Variants in HERC1 observed in about 807,000 individuals in gnomAD.
The protein encoded by HERC1 is HECT and RLD domain containing E3 ubiquitin protein ligase family member 1.
A neutral mutation model predicts 554.3 loss-of-function variants in HERC1; 160 were observed. That is an observed-to-expected ratio of 0.29 (90% CI 0.25 to 0.33). The LOEUF is 0.33. HERC1 is among the 10% of genes least tolerant of loss of function. The pLI is 1.00. For missense variants in HERC1, 4,919 were observed against 5,918.5 expected, an observed-to-expected ratio of 0.83 and a Z score of 5.54; for synonymous variants, 2,175 against 2,131.7, an observed-to-expected ratio of 1.02 and a Z score of -0.56.
intron 8 of HERC1, among the ~76,000 whole-genome samples, chr15:63,751,802 C>A (rs2075257524): frequency 6.6e-6 from 1 of 152,062 alleles, no homozygotes; most frequent in South Asian, 2.1e-4. Context: ...AAACAGTTTA[C>A]AAGTTCTCTT....
At position 63,821,338 on chromosome 15, in the gene HERC1, A is replaced by C. The variant is rs543868068; in HGVS notation, c.-27+12489T>G. 3.3e-5 allele frequency among the ~76,000 whole-genome samples: 5 copies of C among 152,024 alleles called. No homozygotes were observed. In the East Asian group the frequency reaches 9.7e-4, roughly 29 times the overall value. On this transcript the variant is annotated intron_variant, in intron 1 of 77. Transcript: ENST00000443617. ...AGGAGGCTGAGGCGGGCGGATCACG[A>C]GGTCAGGAGATGGAGACCATCCTGA... is the stretch of plus-strand genomic sequence containing the variant.
intron 66 of HERC1, 93 bp downstream of exon 66, chr15:63,634,640 T>C: frequency 2.0e-6 from 2 of 987,716 alleles, no homozygotes; most frequent in East Asian, 2.7e-5. Context: ...TAGGTACAAC[T>C]GGTGATCCTG....
chr15:63,807,170 T>C (rs1050343381), intron 1 of HERC1, among the ~76,000 whole-genome samples: 4 of 152,148 alleles, frequency 2.6e-5, no homozygotes, highest in African/African-American at 7.2e-5. Flanking sequence ...CTAGGCATTC[T>C]CTATTTGCCC....
chr15:63,619,408 T>C (rs1397838891), intron 74 of HERC1, among the ~76,000 whole-genome samples: 2 of 152,204 alleles, frequency 1.3e-5, no homozygotes, highest in Non-Finnish European at 2.9e-5. Context: ...CAGTATTTTA[T>C]TGAGGATTTT....
At chr15:63,832,930 T>C (rs1340504543) in intron 1 of HERC1, among the ~76,000 whole-genome samples, 2 of 152,254 alleles carry the variant, frequency 1.3e-5, no homozygotes, top group African/African-American at 4.8e-5. Context: ...AGATTTGTTA[T>C]TCCCATCATT....
At chr15:63,715,037 A>G (rs1236912990) in intron 22 of HERC1, among the ~76,000 whole-genome samples, 1 of 152,240 alleles carries the variant, frequency 6.6e-6, no homozygotes, top group Non-Finnish European at 1.5e-5. Flanking sequence ...CTCAGAGTCC[A>G]GAGCTAGAAA....
At chr15:63,806,342 C>A (rs1167518975) in intron 1 of HERC1, among the ~76,000 whole-genome samples, 1 of 152,118 alleles carries the variant, frequency 6.6e-6, no homozygotes, top group South Asian at 2.1e-4. Flanking sequence ...CTTCAAAGGC[C>A]TATCTCAAAG....
At chr15:63,747,302 A>T (rs532055950) in intron 11 of HERC1, among the ~76,000 whole-genome samples, 1 of 152,284 alleles carries the variant, frequency 6.6e-6, no homozygotes. Flanking sequence ...TCTACTAAAA[A>T]TACAAAAATT....
intron 1 of HERC1, among the ~76,000 whole-genome samples, chr15:63,817,137 G>A (rs1434689317): frequency 1.3e-5 from 2 of 150,054 alleles, no homozygotes; most frequent in South Asian, 2.1e-4. Context: ...GATGAAGAGA[G>A]TCTAAAGATT....
In HERC1 at chr15:63,696,327, C is replaced by A; in HGVS notation, c.4918G>T (p.Ala1640Ser). 6.2e-7 allele frequency: 1 copy of A among 1,610,884 alleles called. No individual in the cohort carries two copies. The highest frequency in any genetic ancestry group is 8.5e-7 in the Non-Finnish European group (1 of 1,178,394). Residue 1640 changes from alanine to serine, a missense_variant, in exon 27 of 78, where the codon GCA becomes TCA. Transcript: ENST00000443617. ...AATAGAACGAGGATCTGATGAAGTG[C>A]CTCTAAACGAAGCTTGAGGAAAAAA... Reference protein sequence around the residue: ...QQLRAELRLEALHQILVLLSG... With the variant: ...QQLRAELRLESLHQILVLLSG...
rs1269207173 is a variant in HERC1 at position 63,775,759 on chromosome 15, C to G, written c.-26-110G>C. 1.3e-6 allele frequency: 1 copy of G among 791,380 alleles called. No homozygotes were observed. Among genetic ancestry groups the G allele is most frequent in the South Asian group, 1.8e-5 (1 of 54,200 alleles). The allele number at this position is 791,380 out of a possible 1,614,324, so 49.0% of individuals were successfully genotyped here. Reference sequence around the variant, plus strand: ...TGATTTCAAACTGGTGAAATGCAGCCGGGTGCGGTGGCTCACGCCTGTAAT... The same window carrying G: ...TGATTTCAAACTGGTGAAATGCAGCGGGGTGCGGTGGCTCACGCCTGTAAT... On this transcript the variant is annotated intron_variant, in intron 1 of 77. Coordinates refer to ENST00000443617, the MANE Select transcript of HERC1 (RefSeq NM_003922.4). The surrounding 1 kb of genome is among the most constrained non-coding windows in gnomAD (Gnocchi z 4.0).
intron 1 of HERC1, among the ~76,000 whole-genome samples, chr15:63,795,785 G>A (rs1472583793): frequency 1.3e-5 from 2 of 152,236 alleles, no homozygotes; most frequent in African/African-American, 4.8e-5. Context: ...GCTGTGTCCA[G>A]TTTCCACTGG....
intron 10 of HERC1, among the ~76,000 whole-genome samples, chr15:63,748,227 A>G (rs2075125836): frequency 6.6e-6 from 1 of 152,298 alleles, no homozygotes; most frequent in East Asian, 1.9e-4. Flanking sequence ...CTCCATCTCA[A>G]AAAATATATA....
At chr15:63,803,506 T>C (rs1329834353) in intron 1 of HERC1, among the ~76,000 whole-genome samples, 1 of 152,164 alleles carries the variant, frequency 6.6e-6, no homozygotes, top group African/African-American at 2.4e-5. Flanking sequence ...CACTGAAGCC[T>C]TGAACTGCTG....
chr15:63,638,022 G>T (rs1298148122), intron 63 of HERC1, among the ~76,000 whole-genome samples: 1 of 152,178 alleles, frequency 6.6e-6, no homozygotes, highest in East Asian at 1.9e-4. Flanking sequence ...GAGGCCTCGA[G>T]AAGGGTTTGG....
At chr15:63,619,750 C>T (rs932720514) in intron 74 of HERC1, among the ~76,000 whole-genome samples, 2 of 152,116 alleles carry the variant, frequency 1.3e-5, no homozygotes, top group East Asian at 1.9e-4. Flanking sequence ...GGAATTTATC[C>T]ATTTCTTCTA....
chr15:63,632,470 G>A (rs911183820), intron 68 of HERC1: 1 of 560,820 alleles, frequency 1.8e-6, no homozygotes, highest in Non-Finnish European at 3.2e-6. Flanking sequence ...CCTTGGCAGG[G>A]ACTCTTCTAG....
chr15:63,744,158 GTGTGTGTCTCTCTCTC>G (rs1227561890), intron 12 of HERC1, among the ~76,000 whole-genome samples: 1 of 42,348 alleles, frequency 2.4e-5, no homozygotes, highest in African/African-American at 7.3e-5. Flanking sequence ...GTGTGTGTGT[GTGTGTGTCTCTCTCTC>G]TCTCTCTCTC....
At chr15:63,617,930 A>G (rs1171209769) in intron 74 of HERC1, among the ~76,000 whole-genome samples, 1 of 152,090 alleles carries the variant, frequency 6.6e-6, no homozygotes, top group Non-Finnish European at 1.5e-5. Flanking sequence ...AGTAGGTTGC[A>G]AAAATTTTCT....
Sources: allele counts gnomAD v4.1 joint callset (sites outside exome capture counted in the v4.1 genomes callset), GRCh38; gene constraint gnomAD v4.1.1; non-coding constraint Gnocchi (gnomAD v3.1); transcripts MANE v1.5; gene names NCBI Gene and HGNC (gene_info 2026-07-23, HGNC 2026-07-21).